The following ADGRB3 variants were observed in gnomAD, a reference collection of about 807,000 sequenced individuals.
ADGRB3 encodes brain-specific angiogenesis inhibitor 3.
In ADGRB3, 37 loss-of-function variants were observed where a neutral mutation model predicts 193.4. That is an observed-to-expected ratio of 0.19 (90% CI 0.15 to 0.25). The LOEUF is 0.25. ADGRB3 is among the 10% of genes least tolerant of loss of function. The probability of loss-of-function intolerance (pLI) is 1.00; values close to 1 mark genes in which losing one functional copy is unlikely to be tolerated. For synonymous variants in ADGRB3, 690 were observed against 644.2 expected, an observed-to-expected ratio of 1.07 and a Z score of -1.08; for missense variants, 1,637 against 1,852.9, an observed-to-expected ratio of 0.88 and a Z score of 2.14.
At chr6:68,975,644 G>A (rs1768721459) in intron 10 of ADGRB3, among the ~76,000 whole-genome samples, 1 of 152,006 alleles carries the variant, frequency 6.6e-6, no homozygotes, top group Admixed American at 6.6e-5. Flanking sequence ...TATGCATTAT[G>A]GTTGGCTTAA....
chr6:68,793,292 A>G (rs1190963700), intron 3 of ADGRB3, among the ~76,000 whole-genome samples: 1 of 152,134 alleles, frequency 6.6e-6, no homozygotes, highest in Non-Finnish European at 1.5e-5. Flanking sequence ...CTGTAACTTA[A>G]CAAACCAACA....
chr6:69,250,644 C>A (rs950127371), intron 20 of ADGRB3, among the ~76,000 whole-genome samples: 2 of 152,138 alleles, frequency 1.3e-5, no homozygotes, highest in African/African-American at 2.4e-5. Context: ...CACAGGAACC[C>A]AAGGTTTGCT....
chr6:69,299,483 C>T (rs1358706533), intron 20 of ADGRB3, among the ~76,000 whole-genome samples: 1 of 151,742 alleles, frequency 6.6e-6, no homozygotes, highest in East Asian at 1.9e-4. Flanking sequence ...AATCTTTACC[C>T]AGAGCAATGT....
At chr6:69,130,588 T>A (rs7746793) in intron 17 of ADGRB3, among the ~76,000 whole-genome samples, 32,598 of 150,364 alleles carry the variant, frequency 0.22, 3,798 homozygotes, top group Middle Eastern at 0.25. Flanking sequence ...GCCCCCCGAC[T>A]GGGCTCCTTT....
chr6:69,299,109 G>A (rs1767898048), intron 20 of ADGRB3, among the ~76,000 whole-genome samples: 1 of 151,878 alleles, frequency 6.6e-6, no homozygotes, highest in Admixed American at 6.6e-5. Flanking sequence ...TTGTAGTTTT[G>A]ATATGTGTTT....
intron 17 of ADGRB3, among the ~76,000 whole-genome samples, chr6:69,126,784 C>G (rs1027840608): frequency 1.3e-5 from 2 of 152,190 alleles, no homozygotes; most frequent in Non-Finnish European, 2.9e-5. Flanking sequence ...AACCATCACA[C>G]TTACCTTCCT....
chr6:69,280,846 C>CAA (rs1189764592), intron 20 of ADGRB3, among the ~76,000 whole-genome samples: 1 of 150,796 alleles, frequency 6.6e-6, no homozygotes, highest in South Asian at 2.1e-4. Flanking sequence ...TCTGTAACTA[C>CAA]AAAAAAATAT....
At chr6:68,725,188 T>C (rs573156883) in intron 3 of ADGRB3, among the ~76,000 whole-genome samples, 3 of 151,720 alleles carry the variant, frequency 2.0e-5, no homozygotes, top group East Asian at 2.0e-4. Flanking sequence ...CCCTGGTTTG[T>C]TGGAGGAACA....
chr6:68,935,240 A>G (rs931417688), intron 4 of ADGRB3, among the ~76,000 whole-genome samples: 1 of 152,190 alleles, frequency 6.6e-6, no homozygotes, highest in African/African-American at 2.4e-5. Flanking sequence ...TTAAGCTGAC[A>G]TTTCATTTTT....
chr6:69,212,926 G>A lies in ADGRB3; in HGVS notation c.2481-20364G>A, dbSNP rs151250928. Among the ~76,000 whole-genome samples the A allele has an allele frequency of 2.4e-3, 363 of 152,186 alleles. 4 individuals carry two copies. The highest frequency in any genetic ancestry group is 8.3e-3 in the African/African-American group (346 of 41,530). On this transcript the variant is annotated intron_variant, in intron 17 of 31. Transcript: ENST00000370598. ...ATTTTAGTTTAAAGTGGATAAAGAGGAGTGATAGGAAAAAATATTATCTTT... is the reference window on the plus strand; with the variant it reads ...ATTTTAGTTTAAAGTGGATAAAGAGAAGTGATAGGAAAAAATATTATCTTT...
intron 17 of ADGRB3, among the ~76,000 whole-genome samples, chr6:69,106,608 AT>A (rs1773222780): frequency 6.6e-6 from 1 of 152,246 alleles, no homozygotes; most frequent in Non-Finnish European, 1.5e-5. Context: ...CACCAGGAGA[AT>A]TCAATGAATC....
intron 20 of ADGRB3, among the ~76,000 whole-genome samples, chr6:69,248,655 A>T (rs1468524185): frequency 6.6e-6 from 1 of 152,230 alleles, no homozygotes; most frequent in African/African-American, 2.4e-5. Flanking sequence ...TGTTGAATCT[A>T]TTCAGTTCTG....
At chr6:68,951,377 C>T (rs1767913040) in intron 6 of ADGRB3, among the ~76,000 whole-genome samples, 2 of 152,110 alleles carry the variant, frequency 1.3e-5, no homozygotes, top group African/African-American at 4.8e-5. Flanking sequence ...TGAGCACTCC[C>T]TATCACATCG....
At chr6:68,781,433 T>G (rs1413574007) in intron 3 of ADGRB3, among the ~76,000 whole-genome samples, 1 of 152,078 alleles carries the variant, frequency 6.6e-6, no homozygotes, top group East Asian at 1.9e-4. Flanking sequence ...TAATTTATAG[T>G]TTCAAAATGC....
At chr6:68,883,443 C>T (rs184430063) in intron 3 of ADGRB3, among the ~76,000 whole-genome samples, 105 of 152,302 alleles carry the variant, frequency 6.9e-4, no homozygotes, top group African/African-American at 2.4e-3. Flanking sequence ...GTTGTAGGAG[C>T]TTTGTTTATT....
chr6:69,088,064 G>GTC (rs1463654026), intron 17 of ADGRB3, among the ~76,000 whole-genome samples: 1 of 152,104 alleles, frequency 6.6e-6, no homozygotes, highest in Admixed American at 6.5e-5. Context: ...TCTCAGGGAG[G>GTC]TCTCTCCCTT....
chr6:68,822,376 A>T (rs1195483896), intron 3 of ADGRB3, among the ~76,000 whole-genome samples: 2 of 151,974 alleles, frequency 1.3e-5, no homozygotes, highest in Admixed American at 6.6e-5. Context: ...TTATCAAAAC[A>T]CAGTGATCAA....
chr6:68,680,529 T>G (rs552002766), intron 3 of ADGRB3, among the ~76,000 whole-genome samples: 131 of 152,256 alleles, frequency 8.6e-4, no homozygotes, highest in African/African-American at 2.8e-3. Flanking sequence ...TAGAGCTGGT[T>G]AACCTTGCTG....
In ADGRB3 at chr6:68,681,993, G is replaced by A. The variant is rs74488930; in HGVS notation, c.757+42561G>A. Reference sequence around the variant, plus strand: ...CAGGTCAAATAATAGGAAGTTACTGGGTGATTTAGTTAGCCAGACAAGGGA... The same window carrying A: ...CAGGTCAAATAATAGGAAGTTACTGAGTGATTTAGTTAGCCAGACAAGGGA... On this transcript the variant is annotated intron_variant, in intron 3 of 31. Coordinates refer to ENST00000370598, the MANE Select transcript of ADGRB3 (RefSeq NM_001704.3). Among the ~76,000 whole-genome samples the A allele has an allele frequency of 9.9e-5, 15 of 152,230 alleles. No individual in the cohort carries two copies. The East Asian group carries it at 2.7e-3, about 27-fold the overall frequency.
Sources: allele counts gnomAD v4.1 joint callset (sites outside exome capture counted in the v4.1 genomes callset), GRCh38; gene constraint gnomAD v4.1.1; transcripts MANE v1.5; gene names NCBI Gene and HGNC (gene_info 2026-07-23, HGNC 2026-07-21).